Variants in AGO2 observed in about 807,000 individuals in gnomAD.
AGO2 encodes the protein protein argonaute-2.
In AGO2, 5 loss-of-function variants were observed where a neutral mutation model predicts 102.3. That is an observed-to-expected ratio of 0.05 (90% confidence interval 0.03 to 0.10). AGO2 has a LOEUF of 0.10. Ranked by LOEUF, AGO2 falls within the 10% of genes least tolerant of loss-of-function variation. The pLI, the probability that AGO2 is intolerant of heterozygous loss-of-function variation, is 1.00. For synonymous variants in AGO2, 449 were observed against 473.1 expected (o/e 0.95, Z 0.66); for missense variants, 541 against 1,183.7 (o/e 0.46, Z 7.97).
chr8:140,587,877 A>G (rs2073682326), intron 1 of AGO2, among the ~76,000 whole-genome samples: 1 of 152,166 alleles, frequency 6.6e-6, no homozygotes, highest in South Asian at 2.1e-4. Flanking sequence ...CACCAAGAAG[A>G]TGCCACCACA....
intron 8 of AGO2, 31 bp from the exon 9 acceptor site, chr8:140,556,317 G>A: frequency 6.2e-7 from 1 of 1,612,180 alleles, no homozygotes; most frequent in Non-Finnish European, 8.5e-7. Flanking sequence ...CAGGCCGTCA[G>A]TGCCGCACTG....
chr8:140,552,926 C>T (rs1364422027), intron 10 of AGO2, among the ~76,000 whole-genome samples: 1 of 152,200 alleles, frequency 6.6e-6, no homozygotes, highest in East Asian at 1.9e-4. Context: ...CAGATGTCCC[C>T]TGGGGGGCAA....
At chr8:140,640,271 A>G (rs2074432812), upstream of AGO2, among the ~76,000 whole-genome samples, 1 of 152,170 alleles carries the variant, frequency 6.6e-6, no homozygotes, top group Admixed American at 6.5e-5. Flanking sequence ...TGGCCTCCCG[A>G]AGTGCTGGGA....
At chr8:140,610,939 G>C (rs7001653) in intron 1 of AGO2, among the ~76,000 whole-genome samples, 1 of 152,082 alleles carries the variant, frequency 6.6e-6, no homozygotes, top group Non-Finnish European at 1.5e-5. Flanking sequence ...TGTAAATCAT[G>C]ATACAATTTA....
chr8:140,639,399 T>G (rs2074428379), upstream of AGO2, among the ~76,000 whole-genome samples: 4 of 150,552 alleles, frequency 2.7e-5, no homozygotes, highest in Admixed American at 1.3e-4. Context: ...GAGAATCACT[T>G]GAACCTGGGA....
At chr8:140,556,106 T>C (rs1001091184) in intron 9 of AGO2, 61 bp downstream of exon 9, 13 of 1,611,076 alleles carry the variant, frequency 8.1e-6, no homozygotes, top group Non-Finnish European at 1.0e-5. Context: ...ATCAGAGGTT[T>C]CTGTGCCAGG....
intron 1 of AGO2, among the ~76,000 whole-genome samples, chr8:140,600,866 A>C (rs1319084451): frequency 1.4e-5 from 2 of 144,712 alleles, no homozygotes; most frequent in African/African-American, 5.2e-5. Flanking sequence ...GGGGAGGTGG[A>C]GGTTGCAGTG....
At chr8:140,580,572 C>T (rs1409793217) in intron 2 of AGO2, among the ~76,000 whole-genome samples, 1 of 152,166 alleles carries the variant, frequency 6.6e-6, no homozygotes, top group Non-Finnish European at 1.5e-5. Flanking sequence ...CGGCGCTGAC[C>T]ATGAGCACCA....
intron 1 of AGO2, among the ~76,000 whole-genome samples, chr8:140,607,929 C>T (rs368661256): frequency 2.8e-4 from 43 of 152,116 alleles, no homozygotes; most frequent in East Asian, 1.3e-3. Context: ...CGTTTTGTTC[C>T]GCATATTTTA....
At chr8:140,535,023 G>C (rs1452588062) in intron 17 of AGO2, among the ~76,000 whole-genome samples, 1 of 152,250 alleles carries the variant, frequency 6.6e-6, no homozygotes, top group Non-Finnish European at 1.5e-5. Context: ...GCCCTGGCCA[G>C]TGATTGCGCG....
At chr8:140,535,640 C>A in intron 16 of AGO2, 71 bp from the exon 17 acceptor site, 1 of 1,456,810 alleles carries the variant, frequency 6.9e-7, no homozygotes, top group Non-Finnish European at 9.6e-7. Context: ...GCCAGGCAGC[C>A]GCGCCGCCCG....
intron 1 of AGO2, among the ~76,000 whole-genome samples, chr8:140,630,321 C>G (rs1347947385): frequency 2.0e-5 from 3 of 152,230 alleles, no homozygotes; most frequent in Non-Finnish European, 4.4e-5. Flanking sequence ...CAGGTGCCCA[C>G]TGCCCTGGAG....
chr8:140,560,303 C>T (rs1330301056), intron 5 of AGO2, 71 bp downstream of exon 5: 64 of 1,564,544 alleles, frequency 4.1e-5, no homozygotes, highest in Admixed American at 5.4e-5. Flanking sequence ...TGCCACCCCC[C>T]GACCGGGGTC....
intron 2 of AGO2, 78 bp from the exon 3 acceptor site, chr8:140,573,010 T>G: frequency 2.4e-4 from 5 of 21,276 alleles, no homozygotes; most frequent in South Asian, 1.1e-3. Context: ...TCTGACGCTA[T>G]TTTTTTTTTT....
intron 3 of AGO2, among the ~76,000 whole-genome samples, chr8:140,565,506 G>T (rs1300732293): frequency 6.7e-6 from 1 of 150,110 alleles, no homozygotes; most frequent in African/African-American, 2.5e-5. Context: ...GTCGGGTATG[G>T]TGGTGGGCGC....
chr8:140,605,245 C>T (rs904345430), intron 1 of AGO2, among the ~76,000 whole-genome samples: 4 of 152,150 alleles, frequency 2.6e-5, no homozygotes, highest in African/African-American at 9.7e-5. Context: ...CAGGTGTGCA[C>T]CACCATGCCC....
intron 14 of AGO2, 107 bp from the exon 15 acceptor site, chr8:140,541,465 G>A (rs1349613213): frequency 1.0e-5 from 11 of 1,066,156 alleles, no homozygotes; most frequent in South Asian, 5.1e-5. Context: ...CCCCACCCTG[G>A]AACTCATGTC....
intron 2 of AGO2, among the ~76,000 whole-genome samples, chr8:140,580,116 C>T (rs547912025): frequency 2.0e-5 from 3 of 152,342 alleles, no homozygotes; most frequent in East Asian, 1.9e-4. Context: ...CATTCTTTCT[C>T]GGGGCTGGCT....
chr8:140,565,463 C>CA (rs1161640936), intron 3 of AGO2, among the ~76,000 whole-genome samples: 3 of 137,768 alleles, frequency 2.2e-5, no homozygotes, highest in Non-Finnish European at 4.7e-5. Context: ...ACCCAAAAAC[C>CA]AAAAAACAAA....
Sources: allele counts gnomAD v4.1 joint callset (sites outside exome capture counted in the v4.1 genomes callset), GRCh38; gene constraint gnomAD v4.1.1; transcripts MANE v1.5; gene names NCBI Gene and HGNC (gene_info 2026-07-23, HGNC 2026-07-21).